FNDC3B: variants seen among roughly 807,000 people sequenced by gnomAD.
FNDC3B encodes fibronectin type III domain-containing protein 3B.
A neutral mutation model predicts 151.5 loss-of-function variants in FNDC3B; 12 were observed. The observed-to-expected ratio is 0.08, with a 90% CI of 0.05 to 0.13. FNDC3B has a LOEUF of 0.13. FNDC3B is among the 10% of genes least tolerant of loss of function. FNDC3B has a pLI of 1.00. For synonymous variants in FNDC3B, 528 were observed against 549.0 expected (o/e 0.96, Z 0.54); for missense variants, 1,214 against 1,505.3 (o/e 0.81, Z 3.20).
intron 3 of FNDC3B, among the ~76,000 whole-genome samples, chr3:172,211,761 A>C (rs1725743053): frequency 6.6e-6 from 1 of 152,236 alleles, no homozygotes; most frequent in Admixed American, 6.5e-5. Flanking sequence ...TAAAAAATGG[A>C]ATTTCTCTGC....
At chr3:172,282,357 G>C (rs187766472) in intron 6 of FNDC3B, among the ~76,000 whole-genome samples, 1 of 152,178 alleles carries the variant, frequency 6.6e-6, no homozygotes, top group Admixed American at 6.5e-5. Flanking sequence ...TTAGAAGCTT[G>C]AAAGAAGACA....
chr3:172,244,769 TCCA>T (rs1033718047), intron 4 of FNDC3B, among the ~76,000 whole-genome samples: 5 of 151,740 alleles, frequency 3.3e-5, no homozygotes, highest in Non-Finnish European at 5.9e-5. Flanking sequence ...GGACTACAGG[TCCA>T]CGCTGCCACA....
intron 1 of FNDC3B, among the ~76,000 whole-genome samples, chr3:172,092,572 C>G (rs1007502421): frequency 5.3e-5 from 8 of 152,156 alleles, no homozygotes; most frequent in African/African-American, 1.7e-4. Context: ...AGTCCATCAC[C>G]CTCCTTTCAT....
At chr3:172,218,593 A>G (rs550771947) in intron 3 of FNDC3B, among the ~76,000 whole-genome samples, 20 of 152,318 alleles carry the variant, frequency 1.3e-4, no homozygotes, top group African/African-American at 4.1e-4. Flanking sequence ...TTAAGATATT[A>G]TTCATCGAGG....
At chr3:172,065,212 GTC>G (rs1196142200) in intron 1 of FNDC3B, among the ~76,000 whole-genome samples, 2 of 152,166 alleles carry the variant, frequency 1.3e-5, no homozygotes, top group East Asian at 3.9e-4. Flanking sequence ...TGCACCTGTA[GTC>G]CCAGCTACTC....
intron 7 of FNDC3B, among the ~76,000 whole-genome samples, chr3:172,290,298 G>A (rs1479012277): frequency 1.3e-5 from 2 of 152,098 alleles, no homozygotes; most frequent in African/African-American, 4.8e-5. Context: ...CTACTGCAAA[G>A]GTCCAAATAC....
At chr3:172,131,663 A>T (rs1166872178) in intron 2 of FNDC3B, among the ~76,000 whole-genome samples, 1 of 152,190 alleles carries the variant, frequency 6.6e-6, no homozygotes, top group Non-Finnish European at 1.5e-5. Context: ...TTTCTGATTT[A>T]AAAAAATTTA....
At chr3:172,109,164 C>CTTT (rs398052444) in intron 1 of FNDC3B, among the ~76,000 whole-genome samples, 14,340 of 119,788 alleles carry the variant, frequency 0.12, 1,593 homozygotes, top group African/African-American at 0.27. Flanking sequence ...GCCTTGGATT[C>CTTT]TTTTTTTTTT....
chr3:172,173,998 A>G (rs1723419422), intron 3 of FNDC3B, among the ~76,000 whole-genome samples: 1 of 152,198 alleles, frequency 6.6e-6, no homozygotes, highest in South Asian at 2.1e-4. Context: ...TCGTCAGCGA[A>G]CTGAGAATCC....
intron 25 of FNDC3B, among the ~76,000 whole-genome samples, chr3:172,381,561 G>C (rs887185865): frequency 3.3e-5 from 5 of 151,494 alleles, no homozygotes; most frequent in Non-Finnish European, 5.9e-5. Context: ...ATGGTAGTTT[G>C]CTGCGCCCAT....
rs1308989586 is a variant in FNDC3B at position 172,381,565 on chromosome 3, C to T, written c.3303+472C>T. 5.3e-5 allele frequency among the ~76,000 whole-genome samples: 8 copies of T among 151,824 alleles called. 1 individual carries two copies. The East Asian group carries it at 5.8e-4, about 11-fold the overall frequency. ...ATACATGTGCCATGGTAGTTTGCTG[C>T]GCCCATCAACCTGTCATCTACATTA... On this transcript the variant is annotated intron_variant, in intron 25 of 25. Transcript: ENST00000415807.
chr3:172,318,070 A>C (rs551169814), intron 11 of FNDC3B, among the ~76,000 whole-genome samples: 1 of 152,368 alleles, frequency 6.6e-6, no homozygotes, highest in East Asian at 1.9e-4. Flanking sequence ...TGGAGTTCCC[A>C]AAAACCTTCC....
At chr3:172,368,271 T>TAAA (rs140694988) in intron 23 of FNDC3B, among the ~76,000 whole-genome samples, 3 of 140,160 alleles carry the variant, frequency 2.1e-5, no homozygotes, top group African/African-American at 8.2e-5. Context: ...CCCAGACTCT[T>TAAA]AAAAAAAAAA....
intron 22 of FNDC3B, among the ~76,000 whole-genome samples, chr3:172,358,488 C>G (rs1734204156): frequency 6.6e-6 from 1 of 152,214 alleles, no homozygotes; most frequent in South Asian, 2.1e-4. Flanking sequence ...TAGAAAGAAG[C>G]CCATCCTTTC....
intron 20 of FNDC3B, 135 bp from the exon 21 acceptor site, chr3:172,347,077 G>A (rs980690734): frequency 1.4e-5 from 10 of 739,734 alleles, no homozygotes; most frequent in South Asian, 9.0e-5. Context: ...ATTTGTGATC[G>A]TGCCTTTCTT....
At chr3:172,346,287 G>A (rs374709390) in intron 19 of FNDC3B, 40 bp from the exon 20 acceptor site, 81 of 1,173,414 alleles carry the variant, frequency 6.9e-5, no homozygotes, top group Middle Eastern at 1.9e-4. Context: ...ACACATACAC[G>A]CATATATACA....
At chr3:172,305,791 T>C (rs1160652864) in intron 9 of FNDC3B, among the ~76,000 whole-genome samples, 1 of 152,208 alleles carries the variant, frequency 6.6e-6, no homozygotes, top group Non-Finnish European at 1.5e-5. Context: ...CCTGCCCATG[T>C]CTGGAACATG....
chr3:172,065,501 G>A (rs561729166), intron 1 of FNDC3B, among the ~76,000 whole-genome samples: 6 of 152,284 alleles, frequency 3.9e-5, no homozygotes, highest in African/African-American at 1.2e-4. Flanking sequence ...AAGAAATGCC[G>A]CCTTGTTCAA....
intron 11 of FNDC3B, among the ~76,000 whole-genome samples, chr3:172,323,029 T>TTTG (rs1732170011): frequency 1.4e-5 from 1 of 71,876 alleles, no homozygotes; most frequent in African/African-American, 7.3e-5. Flanking sequence ...TGTTTTAGTT[T>TTTG]TTGTTTGTTT....
Sources: gnomAD v4.1 joint callset for allele counts (sites outside exome capture counted in the v4.1 genomes callset) on GRCh38, gnomAD v4.1.1 for gene constraint, MANE v1.5 for transcripts, NCBI Gene and HGNC (gene_info 2026-07-23, HGNC 2026-07-21) for gene names.